SPON1: variants seen among roughly 807,000 people sequenced by gnomAD.
The protein encoded by SPON1 is spondin 1.
A neutral mutation model predicts 111.7 loss-of-function variants in SPON1; 52 were observed. The ratio of observed to expected loss-of-function variants is 0.47; its 90% confidence interval spans 0.37 to 0.59. The LOEUF is 0.59. SPON1 is among the 20% of genes least tolerant of loss of function. The pLI is 0.00. For missense variants in SPON1, 957 were observed against 1,068.5 expected (o/e 0.90, Z 1.46); for synonymous variants, 410 against 395.8 (o/e 1.04, Z -0.43).
chr11:14,088,311 G>C (rs1849022916), intron 5 of SPON1, among the ~76,000 whole-genome samples: 1 of 152,124 alleles, frequency 6.6e-6, no homozygotes, highest in African/African-American at 2.4e-5. Context: ...AGGAGCTCTT[G>C]TAAGGCATGC....
intron 6 of SPON1, among the ~76,000 whole-genome samples, chr11:14,167,943 A>C (rs4757235): frequency 0.38 from 57,092 of 152,012 alleles, 11,170 homozygotes; most frequent in East Asian, 0.55. Context: ...AGGTTAAGAC[A>C]ATCTATAAAA....
At chr11:14,093,444 T>C (rs1283112210) in intron 5 of SPON1, among the ~76,000 whole-genome samples, 1 of 152,256 alleles carries the variant, frequency 6.6e-6, no homozygotes, top group Admixed American at 6.5e-5. Flanking sequence ...CCTTTGACAA[T>C]GTAAGCTGCA....
At chr11:14,034,591 G>C (rs1848581060) in intron 2 of SPON1, among the ~76,000 whole-genome samples, 1 of 152,178 alleles carries the variant, frequency 6.6e-6, no homozygotes, top group Non-Finnish European at 1.5e-5. Context: ...ATTTACCTGA[G>C]GTAGCTTCTA....
intron 6 of SPON1, among the ~76,000 whole-genome samples, chr11:14,172,724 A>C (rs1231543698): frequency 4.0e-5 from 6 of 151,882 alleles, no homozygotes; most frequent in Non-Finnish European, 8.8e-5. Flanking sequence ...CTTGTCTGTA[A>C]AGTATTTTAT....
intron 2 of SPON1, among the ~76,000 whole-genome samples, chr11:14,015,319 T>C (rs1266278395): frequency 1.3e-5 from 2 of 152,188 alleles, no homozygotes; most frequent in Non-Finnish European, 2.9e-5. Context: ...TGGTGCCTTG[T>C]TGCATGCTCT....
chr11:14,022,530 A>G (rs1177767531), intron 2 of SPON1, among the ~76,000 whole-genome samples: 1 of 152,198 alleles, frequency 6.6e-6, no homozygotes, highest in Non-Finnish European at 1.5e-5. Flanking sequence ...GGCTCTGTTC[A>G]TTAGTACAGT....
intron 5 of SPON1, among the ~76,000 whole-genome samples, chr11:14,117,034 A>G (rs1271923264): frequency 6.6e-6 from 1 of 152,198 alleles, no homozygotes; most frequent in Non-Finnish European, 1.5e-5. Flanking sequence ...TAGGAATAAA[A>G]TTGACTTTTG....
intron 3 of SPON1, among the ~76,000 whole-genome samples, chr11:14,045,952 T>C (rs1428859991): frequency 6.6e-6 from 1 of 152,218 alleles, no homozygotes; most frequent in African/African-American, 2.4e-5. Flanking sequence ...TATAAATATA[T>C]TCCCATATTT....
At chr11:14,180,894 A>G (rs138057509) in intron 6 of SPON1, among the ~76,000 whole-genome samples, 211 of 152,318 alleles carry the variant, frequency 1.4e-3, no homozygotes, top group Admixed American at 2.4e-3. Context: ...AATGTTTTGA[A>G]TATATGAATG....
chr11:14,137,507 C>A (rs186067245), intron 6 of SPON1, among the ~76,000 whole-genome samples: 31 of 152,250 alleles, frequency 2.0e-4, no homozygotes, highest in African/African-American at 6.7e-4. Context: ...ACTTTTCGCC[C>A]CCCTCACATC....
intron 2 of SPON1, among the ~76,000 whole-genome samples, chr11:14,022,164 A>G (rs981518242): frequency 6.6e-6 from 1 of 152,232 alleles, no homozygotes; most frequent in South Asian, 2.1e-4. Context: ...TTACTATTCT[A>G]TACTATTAAA....
intron 2 of SPON1, among the ~76,000 whole-genome samples, chr11:14,005,127 G>A (rs1197665656): frequency 5.3e-5 from 8 of 152,062 alleles, no homozygotes; most frequent in Admixed American, 5.2e-4. Context: ...CTGTTGGTGT[G>A]ATATCCAAAA....
At chr11:14,088,013 C>G (rs142563411) in intron 5 of SPON1, among the ~76,000 whole-genome samples, 1 of 151,778 alleles carries the variant, frequency 6.6e-6, no homozygotes, top group Non-Finnish European at 1.5e-5. Context: ...TTTTTTTGAG[C>G]CTATGTGTGC....
At chr11:14,018,883 T>C (rs1554914550) in intron 2 of SPON1, among the ~76,000 whole-genome samples, 1 of 152,202 alleles carries the variant, frequency 6.6e-6, no homozygotes. Context: ...AGCTTAGTCA[T>C]GAAGAGCCTG....
rs1849196953 is a variant in SPON1 at position 14,262,484 on chromosome 11, A to G, written c.1997-228A>G. On this transcript the variant is annotated intron_variant, in intron 14 of 15. Coordinates refer to ENST00000576479, the MANE Select transcript of SPON1 (RefSeq NM_006108.4). The stretch of plus-strand genomic sequence containing the variant: ...CAAAGCCTTCTTGAGTCATAGAGGG[A>G]GCATAGAATGGGTGATGACCTGGCA... 16 of 589,960 alleles carry G rather than the reference A, an allele frequency of 2.7e-5. 1 individual carries two copies. The South Asian group carries it at 3.2e-4, about 12-fold the overall frequency. The allele number at this position is 589,960 out of a possible 1,614,324, so 36.5% of individuals were successfully genotyped here.
At chr11:14,224,761 G>T in intron 6 of SPON1, 1 of 501,384 alleles carries the variant, frequency 2.0e-6, no homozygotes. Flanking sequence ...AGGGAGATAT[G>T]AGGCCGGAGA....
intron 2 of SPON1, among the ~76,000 whole-genome samples, chr11:14,033,876 G>A (rs571998285): frequency 1.1e-4 from 16 of 152,090 alleles, no homozygotes; most frequent in East Asian, 1.9e-4. Context: ...AGATTTCTCC[G>A]TCTCTTGCAA....
chr11:14,207,352 G>A (rs1591411341), intron 6 of SPON1, among the ~76,000 whole-genome samples: 1 of 152,088 alleles, frequency 6.6e-6, no homozygotes, highest in South Asian at 2.1e-4. Flanking sequence ...TGCAACAAAA[G>A]CAAAAATTGA....
Position 14,262,828 on chromosome 11 carries a change from C to T in SPON1, c.2113C>T (p.Pro705Ser). Residue 705 changes from proline (P) to serine (S), a missense_variant, in exon 15 of 16, where the codon CCC (proline) becomes TCC (serine). Coordinates refer to ENST00000576479, the MANE Select transcript of SPON1 (RefSeq NM_006108.4). ...IQMEPQFGGA[P>S]CPETVQRKKC... ...AATGGAGCCTCAGTTTGGAGGTGCA[C>T]CCTGCCCAGAGACTGTGCAGCGAAA... 3 of 1,613,902 alleles carry T rather than the reference C, an allele frequency of 1.9e-6. No homozygotes were observed. The highest frequency in any genetic ancestry group is 2.5e-6 in the Non-Finnish European group (3 of 1,179,878).
Sources: gnomAD v4.1 joint callset for allele counts (sites outside exome capture counted in the v4.1 genomes callset) on GRCh38, gnomAD v4.1.1 for gene constraint, MANE v1.5 for transcripts, NCBI Gene and HGNC (gene_info 2026-07-23, HGNC 2026-07-21) for gene names.